UBE3C: variants seen among roughly 807,000 people sequenced by gnomAD.
The protein encoded by UBE3C is ubiquitin-protein ligase E3C.
A neutral mutation model predicts 129.4 loss-of-function variants in UBE3C; 42 were observed. The ratio of observed to expected loss-of-function variants is 0.32; its 90% CI spans 0.25 to 0.42. UBE3C has a LOEUF of 0.42. Among genes scored for constraint, UBE3C ranks in the 10% least tolerant of loss-of-function variants. UBE3C has a pLI of 1.00. For synonymous variants in UBE3C, 510 were observed against 492.4 expected, an observed-to-expected ratio of 1.04 and a Z score of -0.47; for missense variants, 1,049 against 1,319.1, an observed-to-expected ratio of 0.80 and a Z score of 3.17.
chr7:157,236,433 A>G (rs1304473318), intron 18 of UBE3C, among the ~76,000 whole-genome samples: 1 of 152,176 alleles, frequency 6.6e-6, no homozygotes, highest in African/African-American at 2.4e-5. Flanking sequence ...TATATTTGAA[A>G]ATTTCAATTA....
At chr7:157,178,982 C>T in intron 6 of UBE3C, 135 bp downstream of exon 6, 3 of 1,077,446 alleles carry the variant, frequency 2.8e-6, no homozygotes, top group Non-Finnish European at 2.6e-6. Context: ...CCTTGTGCTC[C>T]ATCCACAGGT....
At chr7:157,187,381 G>GT (rs10637384) in intron 10 of UBE3C, among the ~76,000 whole-genome samples, 3,825 of 142,840 alleles carry the variant, frequency 0.027, 79 homozygotes, top group Non-Finnish European at 0.033. Context: ...GTTTTATGGG[G>GT]TTTTTTTTTT....
intron 2 of UBE3C, among the ~76,000 whole-genome samples, chr7:157,164,754 G>T (rs1399158433): frequency 6.6e-6 from 1 of 152,108 alleles, no homozygotes; most frequent in East Asian, 1.9e-4. Context: ...TGCTCTGCTT[G>T]CTGGGTATAC....
At chr7:157,187,156 C>T (rs563042984) in intron 10 of UBE3C, 135 bp downstream of exon 10, 47 of 1,084,248 alleles carry the variant, frequency 4.3e-5, no homozygotes, top group African/African-American at 3.6e-4. Flanking sequence ...ACTGTCCAAG[C>T]GTTTCATAAA....
chr7:157,224,889 A>G (rs981517786), intron 16 of UBE3C, among the ~76,000 whole-genome samples: 3 of 152,036 alleles, frequency 2.0e-5, no homozygotes, highest in Non-Finnish European at 4.4e-5. Flanking sequence ...AATTATTTGA[A>G]TTTTGTCAGA....
chr7:157,241,986 C>T (rs149480884), intron 18 of UBE3C, among the ~76,000 whole-genome samples: 7 of 152,220 alleles, frequency 4.6e-5, no homozygotes, highest in East Asian at 1.9e-4. Flanking sequence ...GGTGAGTGAT[C>T]GCCAGGGCTG....
At chr7:157,200,315 G>A (rs1809245948) in intron 10 of UBE3C, among the ~76,000 whole-genome samples, 1 of 152,082 alleles carries the variant, frequency 6.6e-6, no homozygotes, top group African/African-American at 2.4e-5. Flanking sequence ...ATGGAGTTTA[G>A]TTGTTGTTTA....
intron 5 of UBE3C, among the ~76,000 whole-genome samples, chr7:157,176,415 C>T (rs1393436809): frequency 6.6e-6 from 1 of 152,200 alleles, no homozygotes; most frequent in Non-Finnish European, 1.5e-5. Flanking sequence ...GCTGGGACCA[C>T]AGGCACGTGC....
chr7:157,234,365 G>A (rs1796099275), intron 18 of UBE3C, among the ~76,000 whole-genome samples: 2 of 152,176 alleles, frequency 1.3e-5, no homozygotes, highest in South Asian at 4.2e-4. Context: ...TATGAGTTAG[G>A]CATCCTCATA....
chr7:157,181,690 T>C lies in UBE3C; in HGVS notation c.770+19T>C, dbSNP rs1234908060. ...GTGCGAGGTGAGACTGGAATGGATTTATTGATTTTGTCCTTTCACAAGATC... is the reference window on the plus strand; with the variant it reads ...GTGCGAGGTGAGACTGGAATGGATTCATTGATTTTGTCCTTTCACAAGATC... On this transcript the variant is annotated intron_variant, in intron 7 of 22. Transcript: ENST00000348165. The C allele has an allele frequency of 2.5e-6, 4 of 1,609,372 alleles. No individual in the cohort carries two copies. The highest frequency in any genetic ancestry group is 3.4e-6 in the Non-Finnish European group (4 of 1,178,962).
chr7:157,252,403 T>C (rs560849872), intron 19 of UBE3C, among the ~76,000 whole-genome samples: 1 of 152,346 alleles, frequency 6.6e-6, no homozygotes, highest in African/African-American at 2.4e-5. Context: ...ATGAACACAA[T>C]CTTTAATCAG....
rs1808637098 is a variant in UBE3C at position 157,180,424 on chromosome 7, T to C, written c.617-1094T>C. Among the ~76,000 whole-genome samples the C allele has an allele frequency of 2.0e-5, 3 of 152,260 alleles. No individual in the cohort carries two copies. The South Asian group carries it at 6.2e-4, about 31-fold the overall frequency. ...GCTTTCATATGAGTTTCACTAGTTA[T>C]CAGTATACACTAGGTTAGACTTGGG... On this transcript the variant is annotated intron_variant, in intron 6 of 22. Coordinates refer to ENST00000348165, the MANE Select transcript of UBE3C (RefSeq NM_014671.3).
At chr7:157,254,891 G>A (rs1157361147) in intron 21 of UBE3C, among the ~76,000 whole-genome samples, 1 of 151,602 alleles carries the variant, frequency 6.6e-6, no homozygotes, top group African/African-American at 2.4e-5. Flanking sequence ...AATTAGCTGG[G>A]CGTGGTGGCA....
rs993943417 is a variant in UBE3C, at chr7:157,139,244, G to T, written c.-29G>T. The T allele has an allele frequency of 1.4e-6, 2 of 1,475,696 alleles. No individual in the cohort carries two copies. The highest frequency in any genetic ancestry group is 1.3e-5 in the South Asian group (1 of 76,800). 91.4% of individuals were successfully genotyped at this position (1,475,696 alleles called of 1,614,324 possible). A position where few individuals can be genotyped will look rare whatever the true frequency, so the allele number is the denominator to read the frequency against. ...CCCGCCCGGCTGCTTCCGCGGCGGC[G>T]CTGCCCGCACATGGGCTAGGCTGCC... On this transcript the variant is annotated 5_prime_UTR_variant, in exon 1 of 23. Transcript: ENST00000348165.
chr7:157,259,127 C>T (rs1429441143), intron 22 of UBE3C, among the ~76,000 whole-genome samples: 3 of 152,232 alleles, frequency 2.0e-5, no homozygotes, highest in African/African-American at 4.8e-5. Context: ...CCAGCAGCTG[C>T]AGCATCACTT....
chr7:157,163,844 A>C lies in UBE3C; in HGVS notation c.101A>C (p.Glu34Ala). 6.2e-7 allele frequency: 1 copy of C among 1,613,540 alleles called. No individual in the cohort carries two copies. The highest frequency in any genetic ancestry group is 8.5e-7 in the Non-Finnish European group (1 of 1,179,708). The change falls in exon 2 of 23, where the codon GAA becomes GCA. Residue 34 changes from glutamate to alanine, a missense_variant. By Grantham distance (107) the Glu-to-Ala change is moderately radical. Around this residue, in one of 4 missense-constraint regions of UBE3C, gnomAD observed 489 missense variants for 513.8 expected, o/e 0.95. Coordinates refer to ENST00000348165, the MANE Select transcript of UBE3C (RefSeq NM_014671.3). ...EKASLLHRTQ[E>A]ERRKREEERR... ...GCTTCTCTTTTACATCGTACTCAGG[A>C]AGAAAGAAGAAAGAGAGAGGTAAAA...
At chr7:157,256,822 T>G in intron 21 of UBE3C, 92 bp from the exon 22 acceptor site, 1 of 1,522,966 alleles carries the variant, frequency 6.6e-7, no homozygotes, top group Non-Finnish European at 8.9e-7. Flanking sequence ...TCCATGGACT[T>G]TAGTTTCCGT....
intron 16 of UBE3C, among the ~76,000 whole-genome samples, chr7:157,224,775 TACACAC>T (rs34300175): frequency 6.8e-6 from 1 of 146,936 alleles, no homozygotes; most frequent in Non-Finnish European, 1.5e-5. Flanking sequence ...TGCACGTGCG[TACACAC>T]ACACACACAC....
intron 18 of UBE3C, among the ~76,000 whole-genome samples, chr7:157,238,512 A>C (rs1796211056): frequency 6.6e-6 from 1 of 152,114 alleles, no homozygotes; most frequent in African/African-American, 2.4e-5. Context: ...GGAGAAGGTA[A>C]GGGAACCACC....
Sources: allele counts gnomAD v4.1 joint callset (sites outside exome capture counted in the v4.1 genomes callset), GRCh38; gene constraint gnomAD v4.1.1; regional missense constraint gnomAD v4.1.1; transcripts MANE v1.5; gene names NCBI Gene and HGNC (gene_info 2026-07-23, HGNC 2026-07-21).